CEP290: variants seen among roughly 807,000 people sequenced by gnomAD.
CEP290 encodes the protein centrosomal protein 290.
A neutral mutation model predicts 344.9 loss-of-function variants in CEP290; 317 were observed. The ratio of observed to expected loss-of-function variants is 0.92; its 90% CI spans 0.84 to 1.01. The LOEUF is 1.01. Ranked by LOEUF, CEP290 falls within the 50% of genes least tolerant of loss-of-function variation. The pLI, the probability that CEP290 is intolerant of heterozygous loss-of-function variation, is 0.00. For synonymous variants in CEP290, 932 were observed against 895.8 expected (o/e 1.04, Z -0.72); for missense variants, 2,754 against 2,761.4 (o/e 1.00, Z 0.06).
At chr12:88,136,354 G>A (rs2040352578) in intron 6 of CEP290, 1 of 331,532 alleles carries the variant, frequency 3.0e-6, no homozygotes, top group African/African-American at 2.2e-5. Context: ...TTAGTTACTT[G>A]ATACCAATCT....
Position 88,103,087 on chromosome 12 carries a change from T to C in CEP290, c.2818-76A>G, listed in dbSNP as rs973646518. The C allele has an allele frequency of 1.2e-5, 10 of 847,662 alleles. No individual in the cohort carries two copies. The African/African-American group carries it at 1.6e-4, about 14-fold the overall frequency. 52.5% of individuals were successfully genotyped at this position (847,662 alleles called of 1,614,324 possible). A position where few individuals can be genotyped will look rare whatever the true frequency, so the allele number is the denominator to read the frequency against. On this transcript the variant is annotated intron_variant, in intron 25 of 53. Coordinates refer to ENST00000552810, the MANE Select transcript of CEP290 (RefSeq NM_025114.4). Reference sequence around the variant, plus strand: ...AAGCACTAGCCACTTTTGAGAAAGATAATACAACTTAAAGTAAAACGAATT... The same window carrying C: ...AAGCACTAGCCACTTTTGAGAAAGACAATACAACTTAAAGTAAAACGAATT...
chr12:88,050,064 A>C (rs1048223021), intron 53 of CEP290: 3 of 230,464 alleles, frequency 1.3e-5, no homozygotes, highest in African/African-American at 6.9e-5. Context: ...TTCAAAAAAA[A>C]AATAAAGACA....
intron 26 of CEP290, among the ~76,000 whole-genome samples, chr12:88,097,707 A>C (rs1200949278): frequency 2.0e-5 from 3 of 151,862 alleles, no homozygotes; most frequent in Non-Finnish European, 4.4e-5. Context: ...ATACGGCCTC[A>C]ATTTCTGAGT....
chr12:88,059,952 T>G lies in CEP290; in HGVS notation c.6591A>C (p.Lys2197Asn), dbSNP rs746828188. 5.7e-6 allele frequency: 9 copies of G among 1,591,862 alleles called. No individual in the cohort carries two copies. Among genetic ancestry groups the G allele is most frequent in the Non-Finnish European group, 7.7e-6 (9 of 1,168,856 alleles). ...QLSMHYESKT[K>N]GTEKIIAENE... is the part of the protein sequence containing the mutation. ...TTTCAGCAATAATTTTTTCTGTGCCTTTGGTCTTGGATTCATAGTGCATGC... is the reference window on the plus strand; with the variant it reads ...TTTCAGCAATAATTTTTTCTGTGCCGTTGGTCTTGGATTCATAGTGCATGC... Residue 2197 changes from lysine (K) to asparagine (N), a missense_variant, in exon 48 of 54, where the codon AAA becomes AAC. Transcript: ENST00000552810.
At chr12:88,065,045 TC>T (rs1404377017) in intron 44 of CEP290, among the ~76,000 whole-genome samples, 102 of 152,274 alleles carry the variant, frequency 6.7e-4, no homozygotes, top group African/African-American at 2.3e-3. Context: ...TACTTCTCAT[TC>T]TAAACTTTAT....
intron 21 of CEP290, 42 bp from the exon 22 acceptor site, chr12:88,111,393 C>G: frequency 6.6e-7 from 1 of 1,526,164 alleles, no homozygotes; most frequent in Admixed American, 2.3e-5. Flanking sequence ...AACTCTTACA[C>G]CCAAAGAAAG....
At chr12:88,115,425 T>G in intron 18 of CEP290, 1 of 1,173,860 alleles carries the variant, frequency 8.5e-7, no homozygotes, top group Non-Finnish European at 1.1e-6. Context: ...GATATAACGG[T>G]TTTTGTCTTT....
At chr12:88,134,187 CT>C (rs1398678811) in intron 6 of CEP290, among the ~76,000 whole-genome samples, 1 of 152,146 alleles carries the variant, frequency 6.6e-6, no homozygotes, top group Non-Finnish European at 1.5e-5. Context: ...CCAAATTCCT[CT>C]TGTGTTCCTC....
intron 20 of CEP290, among the ~76,000 whole-genome samples, chr12:88,113,151 T>C (rs1048659086): frequency 4.6e-5 from 7 of 152,100 alleles, no homozygotes; most frequent in Admixed American, 6.5e-5. Context: ...AACAGTGGCT[T>C]CAGGAAGGTC....
chr12:88,115,288 A>C, intron 18 of CEP290, 106 bp from the exon 19 acceptor site: 1 of 732,284 alleles, frequency 1.4e-6, no homozygotes, highest in Non-Finnish European at 2.2e-6. Context: ...ACAAAACAAA[A>C]CAAAAAAAAC....
At chr12:88,092,938 C>A (rs1421276063) in intron 28 of CEP290, 106 bp from the exon 29 acceptor site, 2 of 1,003,014 alleles carry the variant, frequency 2.0e-6, no homozygotes, top group African/African-American at 3.3e-5. Flanking sequence ...GGCCTTAGTT[C>A]ACATATTATA....
rs141776873 is a variant in CEP290 at position 88,071,039 on chromosome 12, G to A, written c.6011+255C>T. 3.2e-4 allele frequency among the ~76,000 whole-genome samples: 48 copies of A among 152,228 alleles called. 1 individual carries two copies. The highest frequency in any genetic ancestry group is 1.0e-3 in the African/African-American group (43 of 41,560). ...CTTGTGGCCTGAACCTAATTAGACC[G>A]ATTGCATGCTAAAACAAAAGTATCT... On this transcript the variant is annotated intron_variant, in intron 43 of 53. Coordinates refer to ENST00000552810, the MANE Select transcript of CEP290 (RefSeq NM_025114.4).
rs770175184 is a variant in CEP290, at chr12:88,114,479, GA to G, written c.1992del (p.Pro665LeufsTer10). 1.2e-5 allele frequency: 18 copies of G among 1,547,814 alleles called. No homozygotes were observed. Among genetic ancestry groups the G allele is most frequent in the Non-Finnish European group, 1.5e-5 (17 of 1,145,282 alleles). On this transcript the variant is annotated frameshift_variant, in exon 20 of 54. Transcript: ENST00000552810. LOFTEE classifies it high-confidence loss of function. ...ILQAIKEMQK[D>X]PDVKGGETSL... ...GATGTTTCTCCTCCTTTAACATCAG[GA>G]TCTTTCTGCATTTCCTTAATTGCTT...
intron 25 of CEP290, 188 bp from the exon 26 acceptor site, chr12:88,103,199 A>G (rs2137548024): frequency 2.7e-6 from 1 of 373,000 alleles, no homozygotes; most frequent in East Asian, 4.3e-5. Context: ...TGTTACTTTG[A>G]AAATCTTAAT....
At chr12:88,120,851 A>G in intron 14 of CEP290, 146 bp downstream of exon 14, 1 of 655,354 alleles carries the variant, frequency 1.5e-6, no homozygotes, top group African/African-American at 1.9e-5. Context: ...AGGTTTCAAT[A>G]GTTTAGTATA....
intron 14 of CEP290, 50 bp downstream of exon 14, chr12:88,120,947 A>G (rs767554192): frequency 2.7e-6 from 4 of 1,506,130 alleles, no homozygotes; most frequent in Non-Finnish European, 3.6e-6. Context: ...TAGTCTGTGA[A>G]TGGCAAGAAT....
In CEP290 at chr12:88,083,090, CA is replaced by C; in HGVS notation, c.4952del (p.Leu1651TrpfsTer10). 6.5e-7 allele frequency: 1 copy of C among 1,531,058 alleles called. No individual in the cohort carries two copies. The highest frequency in any genetic ancestry group is 8.8e-7 in the Non-Finnish European group (1 of 1,138,308). The allele number at this position is 1,531,058 out of a possible 1,614,324, so 94.8% of individuals were successfully genotyped here. A position where few individuals can be genotyped will look rare whatever the true frequency, so the allele number is the denominator to read the frequency against. On this transcript the variant is annotated frameshift_variant, in exon 37 of 54. Coordinates refer to ENST00000552810, the MANE Select transcript of CEP290 (RefSeq NM_025114.4). LOFTEE classifies it high-confidence loss of function. ...ATTCAGTGATTTCTCTTTGTCTCTCCAAATCTTGTGATACTTTCTTTAGTTT... is the reference window on the plus strand; with the variant it reads ...ATTCAGTGATTTCTCTTTGTCTCTCCAATCTTGTGATACTTTCTTTAGTTT... The part of the protein sequence containing the change: ...LVKLKKVSQD[L>X]ERQREITELK...
intron 53 of CEP290, 192 bp downstream of exon 53, chr12:88,050,162 G>A: frequency 2.1e-6 from 1 of 467,308 alleles, no homozygotes; most frequent in Admixed American, 4.3e-5. Flanking sequence ...TTAATCCTAT[G>A]TTGAGTCTGA....
In CEP290 at chr12:88,060,001, T is replaced by A. The variant is rs2034341133; in HGVS notation, c.6542A>T (p.Lys2181Ile). The stretch of plus-strand genomic sequence containing the variant: ...GCTCAACTGATGCCCAAGATGAGCT[T>A]TAAGTTTTTCTAATTCAGCCTAGTA... ...EKLKAELEKLKAHLGHQLSMH... is the reference protein window; with the variant it reads ...EKLKAELEKLIAHLGHQLSMH... Residue 2181 changes from lysine (K) to isoleucine (I), a missense_variant, in exon 48 of 54, where the codon AAA (lysine) becomes ATA (isoleucine). Physicochemically the swap from Lys to Ile is moderately radical, Grantham distance 102 (BLOSUM62 -3). Coordinates refer to ENST00000552810, the MANE Select transcript of CEP290 (RefSeq NM_025114.4). The A allele has an allele frequency of 1.3e-6, 2 of 1,561,364 alleles. No homozygotes were observed. The highest frequency in any genetic ancestry group is 2.7e-5 in the African/African-American group (2 of 72,894).
Sources: gnomAD v4.1 joint callset for allele counts (sites outside exome capture counted in the v4.1 genomes callset) on GRCh38, gnomAD v4.1.1 for gene constraint, MANE v1.5 for transcripts, NCBI Gene and HGNC (gene_info 2026-07-23, HGNC 2026-07-21) for gene names.